LPP: variants seen among roughly 807,000 people sequenced by gnomAD.
LPP encodes lipoma-preferred partner.
LPP carries 38 observed loss-of-function variants against 60.4 expected under a neutral mutation model. That is an observed-to-expected ratio of 0.63 (90% CI 0.49 to 0.83). The LOEUF (loss-of-function observed/expected upper bound fraction) is 0.83, where lower values mean the gene tolerates loss of function less well. Ranked by LOEUF, LPP falls within the 40% of genes least tolerant of loss-of-function variation. The pLI is 0.00. For missense variants in LPP, 902 were observed against 783.6 expected (o/e 1.15, Z -1.80); for synonymous variants, 328 against 290.8 (o/e 1.13, Z -1.30).
intron 9 of LPP, among the ~76,000 whole-genome samples, chr3:188,779,376 G>C (rs1738878802): frequency 6.6e-6 from 1 of 152,134 alleles, no homozygotes; most frequent in Admixed American, 6.5e-5. Context: ...ATCAGTGCGA[G>C]GCTGACACAC....
intron 2 of LPP, among the ~76,000 whole-genome samples, chr3:188,267,429 C>T (rs1201848798): frequency 2.6e-5 from 4 of 152,186 alleles, no homozygotes; most frequent in Non-Finnish European, 5.9e-5. Flanking sequence ...TTCATGGAAA[C>T]TCTTTATAAA....
intron 9 of LPP, among the ~76,000 whole-genome samples, chr3:188,815,723 G>A (rs1017210075): frequency 6.6e-6 from 1 of 152,150 alleles, no homozygotes; most frequent in African/African-American, 2.4e-5. Flanking sequence ...CAAGCAGCTG[G>A]TCTTCCAATG....
intron 6 of LPP, among the ~76,000 whole-genome samples, chr3:188,532,015 G>A (rs1257035073): frequency 1.3e-5 from 2 of 152,176 alleles, no homozygotes; most frequent in African/African-American, 4.8e-5. Flanking sequence ...AGTAACTCCA[G>A]GTAGATTGTG....
At chr3:188,662,553 A>C (rs1053977024) in intron 7 of LPP, among the ~76,000 whole-genome samples, 1 of 152,266 alleles carries the variant, frequency 6.6e-6, no homozygotes, top group African/African-American at 2.4e-5. Context: ...ATAGAGGAAA[A>C]TACTTTGGAC....
intron 4 of LPP, among the ~76,000 whole-genome samples, chr3:188,418,689 A>C (rs959531232): frequency 1.3e-5 from 2 of 152,192 alleles, no homozygotes; most frequent in Non-Finnish European, 2.9e-5. Flanking sequence ...GCTTAAAATC[A>C]ATCTCCTGTG....
intron 1 of LPP, among the ~76,000 whole-genome samples, chr3:188,204,996 G>C (rs1259702927): frequency 6.6e-6 from 1 of 152,128 alleles, no homozygotes; most frequent in African/African-American, 2.4e-5. Flanking sequence ...GTGCCAGGGA[G>C]GAAAGAAACC....
intron 9 of LPP, among the ~76,000 whole-genome samples, chr3:188,809,434 G>T (rs769157605): frequency 2.6e-5 from 4 of 152,134 alleles, no homozygotes; most frequent in Non-Finnish European, 5.9e-5. Context: ...CTAATGATCA[G>T]TGTCATTGAG....
chr3:188,766,764 A>G (rs975973088), intron 9 of LPP, among the ~76,000 whole-genome samples: 1 of 152,260 alleles, frequency 6.6e-6, no homozygotes, highest in Non-Finnish European at 1.5e-5. Flanking sequence ...GAGAAAAATT[A>G]GCAAATAGAA....
chr3:188,395,724 G>A (rs1780781456), intron 3 of LPP, among the ~76,000 whole-genome samples: 1 of 151,008 alleles, frequency 6.6e-6, no homozygotes, highest in Non-Finnish European at 1.5e-5. Flanking sequence ...CCAGGAGTTC[G>A]AGACTAGTGA....
chr3:188,542,021 T>A (rs1451748094), intron 6 of LPP, among the ~76,000 whole-genome samples: 3 of 152,188 alleles, frequency 2.0e-5, no homozygotes, highest in Non-Finnish European at 2.9e-5. Flanking sequence ...TTGCATTACC[T>A]CCCATATTTA....
At chr3:188,633,137 T>C (rs1428206514) in intron 7 of LPP, among the ~76,000 whole-genome samples, 1 of 152,198 alleles carries the variant, frequency 6.6e-6, no homozygotes, top group Non-Finnish European at 1.5e-5. Flanking sequence ...ACTTCAATCT[T>C]GAACAAGATA....
At chr3:188,322,088 C>T (rs1432380722) in intron 2 of LPP, among the ~76,000 whole-genome samples, 1 of 152,208 alleles carries the variant, frequency 6.6e-6, no homozygotes, top group Non-Finnish European at 1.5e-5. Context: ...TACGAATCCC[C>T]ATCTTTGCTC....
chr3:188,214,211 A>C (rs1001346087), intron 1 of LPP, among the ~76,000 whole-genome samples: 1 of 151,500 alleles, frequency 6.6e-6, no homozygotes, highest in African/African-American at 2.4e-5. Context: ...GCTCACTGCA[A>C]CCTCCGCCTC....
intron 4 of LPP, among the ~76,000 whole-genome samples, chr3:188,458,074 A>G (rs6444293): frequency 0.96 from 146,644 of 152,274 alleles, 70,821 homozygotes; most frequent in East Asian, 1. Context: ...TATTGTACTC[A>G]CACAGTTACC....
At chr3:188,600,355 C>T (rs1019124603) in intron 6 of LPP, among the ~76,000 whole-genome samples, 1 of 150,374 alleles carries the variant, frequency 6.7e-6, no homozygotes, top group Non-Finnish European at 1.5e-5. Context: ...TATAGAATAG[C>T]CAAAAATAAC....
intron 2 of LPP, among the ~76,000 whole-genome samples, chr3:188,237,610 C>T (rs1250781620): frequency 2.0e-5 from 3 of 152,124 alleles, no homozygotes; most frequent in African/African-American, 7.2e-5. Context: ...TTGTATATCT[C>T]CATCAGAGAT....
chr3:188,820,809 C>G (rs555454916), intron 9 of LPP, among the ~76,000 whole-genome samples: 1 of 151,944 alleles, frequency 6.6e-6, no homozygotes, highest in Non-Finnish European at 1.5e-5. Flanking sequence ...AGTTCACCAC[C>G]GAAATGTTTT....
At chr3:188,533,552 A>G (rs959054371) in intron 6 of LPP, among the ~76,000 whole-genome samples, 2 of 152,242 alleles carry the variant, frequency 1.3e-5, no homozygotes, top group Non-Finnish European at 2.9e-5. Flanking sequence ...TTGTCTATGT[A>G]TTGGCATTGT....
At chr3:188,860,413 C>T (rs1241325367) in intron 9 of LPP, among the ~76,000 whole-genome samples, 2 of 152,184 alleles carry the variant, frequency 1.3e-5, no homozygotes, top group African/African-American at 4.8e-5. Context: ...CAACCTTTTT[C>T]ACATCCCAGT....
Sources: gnomAD v4.1 joint callset for allele counts (sites outside exome capture counted in the v4.1 genomes callset) on GRCh38, gnomAD v4.1.1 for gene constraint, MANE v1.5 for transcripts, NCBI Gene and HGNC (gene_info 2026-07-23, HGNC 2026-07-21) for gene names.